WDR20: variants seen among roughly 807,000 people sequenced by gnomAD.
The protein encoded by WDR20 is WD repeat domain 20.
A neutral mutation model predicts 38.7 loss-of-function variants in WDR20; 3 were observed. The observed-to-expected ratio is 0.08, with a 90% CI of 0.04 to 0.20. WDR20 has a LOEUF of 0.20. WDR20 is among the 10% of genes least tolerant of loss of function. The probability of loss-of-function intolerance (pLI) is 1.00; values close to 1 mark genes in which losing one functional copy is unlikely to be tolerated. For missense variants in WDR20, 559 were observed against 727.7 expected (o/e 0.77, Z 2.67); for synonymous variants, 298 against 285.6 (o/e 1.04, Z -0.44).
intron 1 of WDR20, among the ~76,000 whole-genome samples, chr14:102,143,548 C>CTT (rs11299573): frequency 3.5e-5 from 5 of 144,388 alleles, no homozygotes; most frequent in African/African-American, 5.1e-5. Flanking sequence ...TTTTAAACAT[C>CTT]TTTTTTTTTT....
intron 1 of WDR20, chr14:102,193,502 C>T (rs754920057): frequency 6.2e-6 from 10 of 1,613,406 alleles, no homozygotes; most frequent in East Asian, 2.2e-5. Flanking sequence ...TTCTCATCTC[C>T]GTTTTAACTG....
chr14:102,192,412 C>T (rs997412862), intron 1 of WDR20, among the ~76,000 whole-genome samples: 1 of 152,166 alleles, frequency 6.6e-6, no homozygotes, highest in African/African-American at 2.4e-5. Flanking sequence ...CTCCTGACCT[C>T]AGGTGATCCA....
chr14:102,170,045 A>G (rs962458790), intron 1 of WDR20, among the ~76,000 whole-genome samples: 3 of 152,178 alleles, frequency 2.0e-5, no homozygotes, highest in Non-Finnish European at 4.4e-5. Context: ...GAGATAGCCA[A>G]TGTTTTAATA....
chr14:102,212,168 C>T (rs2062625099), downstream of WDR20, among the ~76,000 whole-genome samples: 2 of 152,088 alleles, frequency 1.3e-5, no homozygotes, highest in East Asian at 1.9e-4. Flanking sequence ...AGTATGGAGG[C>T]CTGTGTGTGT....
intron 1 of WDR20, among the ~76,000 whole-genome samples, chr14:102,179,389 A>G (rs2062869570): frequency 6.6e-6 from 1 of 151,204 alleles, no homozygotes; most frequent in African/African-American, 2.4e-5. Flanking sequence ...GGTATACTAC[A>G]CAGTTCTGAC....
downstream of WDR20, chr14:102,213,014 G>T: frequency 1.0e-6 from 1 of 990,616 alleles, no homozygotes; most frequent in Non-Finnish European, 1.2e-6. Flanking sequence ...GGAGAATCCC[G>T]CTCCCACCCG....
chr14:102,151,333 T>G (rs1276068917), intron 1 of WDR20, among the ~76,000 whole-genome samples: 1 of 152,162 alleles, frequency 6.6e-6, no homozygotes, highest in African/African-American at 2.4e-5. Context: ...GATACTGATG[T>G]GATTCCTGAG....
intron 1 of WDR20, among the ~76,000 whole-genome samples, chr14:102,174,892 A>G: frequency 6.6e-6 from 1 of 151,822 alleles, no homozygotes; most frequent in East Asian, 1.9e-4. Context: ...CCACTTTTTG[A>G]TGGGATTATT....
chr14:102,197,105 G>T (rs2059540087), intron 2 of WDR20, among the ~76,000 whole-genome samples: 1 of 152,164 alleles, frequency 6.6e-6, no homozygotes, highest in African/African-American at 2.4e-5. Flanking sequence ...TTTACCTATG[G>T]CCTCTACAGG....
At chr14:102,156,823 C>T (rs1351382948) in intron 1 of WDR20, among the ~76,000 whole-genome samples, 1 of 151,874 alleles carries the variant, frequency 6.6e-6, no homozygotes, top group Non-Finnish European at 1.5e-5. Flanking sequence ...TGGTGAAACC[C>T]CTTCTTAAAA....
chr14:102,151,906 C>T (rs1874213425), intron 1 of WDR20, among the ~76,000 whole-genome samples: 1 of 151,264 alleles, frequency 6.6e-6, no homozygotes, highest in African/African-American at 2.4e-5. Flanking sequence ...CCCACACCCA[C>T]CTGGCTAATT....
At chr14:102,214,631 AT>A (rs1455112559), downstream of WDR20, 20 of 984,982 alleles carry the variant, frequency 2.0e-5, no homozygotes, top group Non-Finnish European at 2.2e-5. Flanking sequence ...AGAGATTGTT[AT>A]GTTAGGCGAC....
chr14:102,187,340 G>A (rs1200514804), intron 1 of WDR20, among the ~76,000 whole-genome samples: 1 of 152,144 alleles, frequency 6.6e-6, no homozygotes, highest in Non-Finnish European at 1.5e-5. Flanking sequence ...TTAACATATT[G>A]CAGCTAATAA....
chr14:102,144,448 C>G (rs1184248905), intron 1 of WDR20, among the ~76,000 whole-genome samples: 1 of 150,268 alleles, frequency 6.7e-6, no homozygotes, highest in Non-Finnish European at 1.5e-5. Flanking sequence ...TACCACCGCA[C>G]TCCAGCCTGG....
At chr14:102,211,144 T>G (rs1427005816), downstream of WDR20, among the ~76,000 whole-genome samples, 1 of 152,206 alleles carries the variant, frequency 6.6e-6, no homozygotes, top group Non-Finnish European at 1.5e-5. This position sits in a 1 kb window ranked among gnomAD's most constrained non-coding sequence, Gnocchi z 4.2. Context: ...TCCCAGTGGG[T>G]GAGATGGCCC....
chr14:102,198,097 C>A (rs2059708009), intron 2 of WDR20: 1 of 175,796 alleles, frequency 5.7e-6, no homozygotes, highest in South Asian at 1.7e-4. Context: ...CAGAGGTCTA[C>A]TTTATTTATT....
At chr14:102,142,701 C>T (rs909995097) in intron 1 of WDR20, among the ~76,000 whole-genome samples, 3 of 151,758 alleles carry the variant, frequency 2.0e-5, no homozygotes, top group African/African-American at 7.3e-5. Flanking sequence ...AGCGATCCTC[C>T]CACCTCAGCC....
At chr14:102,168,977 C>T (rs777904708) in intron 1 of WDR20, among the ~76,000 whole-genome samples, 9 of 152,204 alleles carry the variant, frequency 5.9e-5, no homozygotes, top group Non-Finnish European at 1.2e-4. Context: ...TTCTTCGCTG[C>T]TTAAAACTTT....
chr14:102,158,040 C>G (rs1814880376), intron 1 of WDR20, among the ~76,000 whole-genome samples: 1 of 152,060 alleles, frequency 6.6e-6, no homozygotes, highest in South Asian at 2.1e-4. Flanking sequence ...CAGCCCCTGC[C>G]TCACTGCCAC....
Sources: allele counts gnomAD v4.1 joint callset (sites outside exome capture counted in the v4.1 genomes callset), GRCh38; gene constraint gnomAD v4.1.1; non-coding constraint Gnocchi (gnomAD v3.1); transcripts MANE v1.5; gene names NCBI Gene and HGNC (gene_info 2026-07-23, HGNC 2026-07-21).